Variants in RBMS2 observed in about 807,000 individuals in gnomAD.
RBMS2 encodes the protein RNA-binding motif, single-stranded-interacting protein 2.
Under a neutral mutation model 58.4 loss-of-function variants are expected in RBMS2, and 38 were observed. The ratio of observed to expected loss-of-function variants is 0.65; its 90% CI spans 0.50 to 0.85. The LOEUF is 0.85. RBMS2 is among the 40% of genes least tolerant of loss of function. The pLI, the probability that RBMS2 is intolerant of heterozygous loss-of-function variation, is 0.00. For missense variants in RBMS2, 367 were observed against 503.7 expected, an observed-to-expected ratio of 0.73 and a Z score of 2.60; for synonymous variants, 151 against 180.7, an observed-to-expected ratio of 0.84 and a Z score of 1.32.
chr12:56,561,166 T>C (rs1880319585), intron 1 of RBMS2, among the ~76,000 whole-genome samples: 1 of 152,216 alleles, frequency 6.6e-6, no homozygotes, highest in Admixed American at 6.6e-5. Context: ...AGTCTACCAT[T>C]GATGGGCATT....
chr12:56,585,528 G>A (rs1884564264), intron 9 of RBMS2, among the ~76,000 whole-genome samples: 1 of 152,124 alleles, frequency 6.6e-6, no homozygotes, highest in Non-Finnish European at 1.5e-5. Flanking sequence ...CACTTAGTAT[G>A]TTTTCAAGAT....
In RBMS2 at chr12:56,592,954, A is replaced by AT; in HGVS notation, c.*3822dup. On this transcript the variant is annotated 3_prime_UTR_variant, in exon 14 of 14. Transcript: ENST00000262031. ...CCCAAGTAGCTGGAAGTACAGGCAC[A>AT]TACTACCAAGCCCAGTTCGTTATTT... 6.6e-6 allele frequency: 1 copy of AT among 152,172 alleles called. No homozygotes were observed. Among genetic ancestry groups the AT allele is most frequent in the African/African-American group, 2.4e-5 (1 of 41,470 alleles). 9.4% of individuals were successfully genotyped at this position (152,172 alleles called of 1,614,324 possible).
intron 1 of RBMS2, among the ~76,000 whole-genome samples, chr12:56,559,407 C>T (rs1879932214): frequency 6.6e-6 from 1 of 151,132 alleles, no homozygotes; most frequent in African/African-American, 2.4e-5. Flanking sequence ...AGGATGGTCT[C>T]CATCTCCTGA....
At chr12:56,529,221 A>G (rs774212) in intron 1 of RBMS2, among the ~76,000 whole-genome samples, 144,546 of 152,240 alleles carry the variant, frequency 0.95, 69,055 homozygotes, top group East Asian at 1. Flanking sequence ...AATACATGGT[A>G]TGCCCATACA....
chr12:56,553,818 ATTTC>A (rs1425399400), intron 1 of RBMS2, among the ~76,000 whole-genome samples: 5 of 129,048 alleles, frequency 3.9e-5, no homozygotes, highest in African/African-American at 1.4e-4. Flanking sequence ...TTGTAATTTA[ATTTC>A]TTTGTTTTTT....
intron 12 of RBMS2, 31 bp downstream of exon 12, chr12:56,588,405 A>G (rs1188595475): frequency 6.4e-7 from 1 of 1,574,710 alleles, no homozygotes; most frequent in African/African-American, 1.4e-5. Context: ...TTGGATTGAG[A>G]TTAGGAAAAT....
chr12:56,588,630 C>A (rs945710039), intron 12 of RBMS2: 93 of 576,412 alleles, frequency 1.6e-4, no homozygotes, highest in Non-Finnish European at 2.3e-4. Context: ...AAAAAAAAAA[C>A]AACAGCAGAT....
chr12:56,590,094 T>C lies in RBMS2; in HGVS notation c.*961T>C, dbSNP rs1269800997. On this transcript the variant is annotated 3_prime_UTR_variant, in exon 14 of 14. Transcript: ENST00000262031. ...CCTGGCAAGTTCCGGAAGAATGGAC[T>C]TACTGACTTTTATCAACTCTTCTCA... 6.6e-6 allele frequency: 1 copy of C among 152,264 alleles called. No individual in the cohort carries two copies. Among genetic ancestry groups the C allele is most frequent in the African/African-American group, 2.4e-5 (1 of 41,456 alleles). The allele number at this position is 152,264 out of a possible 1,614,324, so 9.4% of individuals were successfully genotyped here. A position where few individuals can be genotyped will look rare whatever the true frequency, so the allele number is the denominator to read the frequency against.
intron 2 of RBMS2, among the ~76,000 whole-genome samples, chr12:56,564,127 T>C (rs999471088): frequency 9.2e-5 from 14 of 151,992 alleles, no homozygotes; most frequent in South Asian, 4.2e-4. Context: ...TTTGTTTTTT[T>C]TTTTGCTAGA....
chr12:56,545,600 G>T (rs1877016298), intron 1 of RBMS2, among the ~76,000 whole-genome samples: 1 of 152,024 alleles, frequency 6.6e-6, no homozygotes, highest in African/African-American at 2.4e-5. Context: ...CTCTCCCATT[G>T]CCCTAAGTAG....
rs189413692 is a variant in RBMS2 at position 56,533,391 on chromosome 12, G to A, written c.66+11302G>A. ...TGCTGGGATTATAGGTGTGAGCCGC[G>A]GCACCCAGCCCTATTACTTTTTTTT... On this transcript the variant is annotated intron_variant, in intron 1 of 13. Coordinates refer to ENST00000262031, the MANE Select transcript of RBMS2 (RefSeq NM_002898.4). Among the ~76,000 whole-genome samples the A allele has an allele frequency of 4.1e-3, 523 of 128,404 alleles. 19 individuals are homozygous for A. The highest frequency in any genetic ancestry group is 0.036 in the Admixed American group (455 of 12,564). 84.2% of individuals were successfully genotyped at this position (128,404 alleles called of 152,430 possible). A position where few individuals can be genotyped will look rare whatever the true frequency, so the allele number is the denominator to read the frequency against.
At chr12:56,520,660 C>T (rs1167162650), upstream of RBMS2, among the ~76,000 whole-genome samples, 1 of 152,034 alleles carries the variant, frequency 6.6e-6, no homozygotes, top group Non-Finnish European at 1.5e-5. Context: ...CTATTAGGTT[C>T]TTGACTCTGA....
chr12:56,536,159 C>T (rs1321964767), intron 1 of RBMS2, among the ~76,000 whole-genome samples: 1 of 138,144 alleles, frequency 7.2e-6, no homozygotes, highest in Non-Finnish European at 1.5e-5. Context: ...GAGATCACGC[C>T]ATTGCACTCC....
intron 1 of RBMS2, among the ~76,000 whole-genome samples, chr12:56,552,676 T>C (rs550935723): frequency 2.1e-4 from 32 of 151,830 alleles, no homozygotes; most frequent in Non-Finnish European, 3.7e-4. Flanking sequence ...CTGGGCAACA[T>C]AGCGTGTCTC....
At position 56,585,372 on chromosome 12, in the gene RBMS2, A is replaced by C. The variant is rs1344926218; in HGVS notation, c.874-1477A>C. ...ATTATTTCAAATCCAATTTTAATTG[A>C]AATGTCCTTGCAACCCATTATATAC... On this transcript the variant is annotated intron_variant, in intron 9 of 13. Coordinates refer to ENST00000262031, the MANE Select transcript of RBMS2 (RefSeq NM_002898.4). 7.9e-5 allele frequency among the ~76,000 whole-genome samples: 12 copies of C among 152,220 alleles called. 1 individual carries two copies. In the East Asian group the frequency reaches 2.3e-3, roughly 29 times the overall value.
chr12:56,560,642 A>G (rs756788592), intron 1 of RBMS2, among the ~76,000 whole-genome samples: 1 of 150,204 alleles, frequency 6.7e-6, no homozygotes, highest in Non-Finnish European at 1.5e-5. Context: ...CAATTCTCTC[A>G]CCTCAGCCTC....
chr12:56,589,446 C>A lies in RBMS2; in HGVS notation c.*313C>A. Reference sequence around the variant, plus strand: ...TTAACTGCAACGTACTTTTCCCCTACCTTGAAGAGACATGGTGGTCGCAGC... The same window carrying A: ...TTAACTGCAACGTACTTTTCCCCTAACTTGAAGAGACATGGTGGTCGCAGC... On this transcript the variant is annotated 3_prime_UTR_variant, in exon 14 of 14. Transcript: ENST00000262031. 3 of 452,338 alleles carry A rather than the reference C, an allele frequency of 6.6e-6. No individual in the cohort carries two copies. Among genetic ancestry groups the A allele is most frequent in the South Asian group, 3.2e-5 (1 of 31,120 alleles). The allele number at this position is 452,338 out of a possible 1,614,324, so 28.0% of individuals were successfully genotyped here.
At position 56,595,222 on chromosome 12, in the gene RBMS2, G is replaced by A. The variant is rs1301760207; in HGVS notation, c.*6089G>A. The stretch of plus-strand genomic sequence containing the variant: ...AAGAGGGAGTCTGTCATTTTTATAA[G>A]GCTGGAAGCGAATGTTCCTTTTCTA... On this transcript the variant is annotated 3_prime_UTR_variant, in exon 14 of 14. Coordinates refer to ENST00000262031, the MANE Select transcript of RBMS2 (RefSeq NM_002898.4). 6.6e-6 allele frequency: 1 copy of A among 152,162 alleles called. No homozygotes were observed. The highest frequency in any genetic ancestry group is 2.4e-5 in the African/African-American group (1 of 41,424). 9.4% of individuals were successfully genotyped at this position (152,162 alleles called of 1,614,324 possible). A position where few individuals can be genotyped will look rare whatever the true frequency, so the allele number is the denominator to read the frequency against.
rs1885726648 is a variant in RBMS2, at chr12:56,595,776, A to C, written c.*6643A>C. On this transcript the variant is annotated 3_prime_UTR_variant, in exon 14 of 14. Transcript: ENST00000262031. ...CAACTCAGCCAGACATTTAGGCAGGAGCACTAATGACCCTTTCCATCCACA... is the reference window on the plus strand; with the variant it reads ...CAACTCAGCCAGACATTTAGGCAGGCGCACTAATGACCCTTTCCATCCACA... 6.6e-6 allele frequency: 1 copy of C among 152,628 alleles called. No individual in the cohort carries two copies. The highest frequency in any genetic ancestry group is 2.1e-4 in the South Asian group (1 of 4,828). The allele number at this position is 152,628 out of a possible 1,614,324, so 9.5% of individuals were successfully genotyped here. A position where few individuals can be genotyped will look rare whatever the true frequency, so the allele number is the denominator to read the frequency against.
Sources: allele counts gnomAD v4.1 joint callset (sites outside exome capture counted in the v4.1 genomes callset), GRCh38; gene constraint gnomAD v4.1.1; transcripts MANE v1.5; gene names NCBI Gene and HGNC (gene_info 2026-07-23, HGNC 2026-07-21).